Variants in NKAIN3 observed in about 807,000 individuals in gnomAD.
NKAIN3 encodes the protein sodium/potassium transporting ATPase interacting 3, also known as sodium/potassium-transporting ATPase subunit beta-1-interacting protein 3.
Under a neutral mutation model 30.2 loss-of-function variants are expected in NKAIN3, and 25 were observed. The ratio of observed to expected loss-of-function variants is 0.83; its 90% confidence interval spans 0.60 to 1.16. The LOEUF (loss-of-function observed/expected upper bound fraction) is 1.16, where lower values mean the gene tolerates loss of function less well. Among genes scored for constraint, NKAIN3 ranks in the 50% most tolerant of loss-of-function variants. NKAIN3 has a pLI of 0.00. For missense variants in NKAIN3, 225 were observed against 254.1 expected, an observed-to-expected ratio of 0.89 and a Z score of 0.78; for synonymous variants, 91 against 89.6, an observed-to-expected ratio of 1.02 and a Z score of -0.09.
intron 1 of NKAIN3, among the ~76,000 whole-genome samples, chr8:62,528,318 T>TATTA (rs1554543355): frequency 2.2e-5 from 2 of 88,894 alleles, no homozygotes; most frequent in African/African-American, 4.8e-5. Flanking sequence ...TATATATATA[T>TATTA]TATATAATAT....
At chr8:62,700,618 G>T (rs1251455745) in intron 3 of NKAIN3, among the ~76,000 whole-genome samples, 1 of 152,016 alleles carries the variant, frequency 6.6e-6, no homozygotes, top group Non-Finnish European at 1.5e-5. Context: ...CATCACCTTT[G>T]GCAAAGAAAA....
intron 4 of NKAIN3, among the ~76,000 whole-genome samples, chr8:62,882,834 T>C (rs2130815425): frequency 6.6e-6 from 1 of 152,296 alleles, no homozygotes; most frequent in South Asian, 2.1e-4. Context: ...CTACCTTTGC[T>C]CCTTTATCAA....
chr8:62,412,914 AAAAAAAAC>A (rs1459964850), intron 1 of NKAIN3, among the ~76,000 whole-genome samples: 2 of 82,194 alleles, frequency 2.4e-5, no homozygotes, highest in African/African-American at 9.6e-5. Context: ...TCCGTCAAAA[AAAAAAAAC>A]AAAAAAAAAA....
At chr8:62,253,447 C>G (rs1471877833) in intron 1 of NKAIN3, among the ~76,000 whole-genome samples, 2 of 152,034 alleles carry the variant, frequency 1.3e-5, no homozygotes, top group Non-Finnish European at 2.9e-5. Flanking sequence ...AGTTGTGCCT[C>G]TAGCCCCAGC....
chr8:62,497,180 T>G (rs1807268665), intron 1 of NKAIN3, among the ~76,000 whole-genome samples: 1 of 151,720 alleles, frequency 6.6e-6, no homozygotes, highest in Non-Finnish European at 1.5e-5. Context: ...ATTTGATATA[T>G]ATTTTAATTG....
intron 1 of NKAIN3, among the ~76,000 whole-genome samples, chr8:62,259,561 G>A (rs1363298177): frequency 6.6e-6 from 1 of 152,104 alleles, no homozygotes; most frequent in African/African-American, 2.4e-5. Context: ...ACAAGCAAAT[G>A]ACATATAGCA....
intron 1 of NKAIN3, among the ~76,000 whole-genome samples, chr8:62,485,151 A>G (rs987515255): frequency 2.6e-5 from 4 of 151,978 alleles, no homozygotes. Flanking sequence ...TGTATGCTAA[A>G]TTCTGGTGCC....
At chr8:62,625,786 C>T (rs557571257) in intron 3 of NKAIN3, among the ~76,000 whole-genome samples, 1 of 151,964 alleles carries the variant, frequency 6.6e-6, no homozygotes, top group East Asian at 1.9e-4. Flanking sequence ...TTCCTTTTTC[C>T]TTTGTTGGGA....
chr8:62,266,068 T>C (rs368831661), intron 1 of NKAIN3, among the ~76,000 whole-genome samples: 1 of 152,190 alleles, frequency 6.6e-6, no homozygotes, highest in African/African-American at 2.4e-5. Flanking sequence ...CTCTGTTCAC[T>C]CTTCTCTGTC....
chr8:62,479,535 T>G (rs1262496986), intron 1 of NKAIN3, among the ~76,000 whole-genome samples: 1 of 152,156 alleles, frequency 6.6e-6, no homozygotes, highest in Non-Finnish European at 1.5e-5. Context: ...GTTAGCAGCT[T>G]CTTGCCAGAT....
At chr8:62,876,920 C>T (rs188870145) in intron 4 of NKAIN3, among the ~76,000 whole-genome samples, 16 of 151,454 alleles carry the variant, frequency 1.1e-4, no homozygotes, top group Non-Finnish European at 1.9e-4. Context: ...ACATGTATCC[C>T]GTGTTTGTTT....
At chr8:62,298,742 C>T (rs1813930108) in intron 1 of NKAIN3, among the ~76,000 whole-genome samples, 1 of 151,982 alleles carries the variant, frequency 6.6e-6, no homozygotes. Flanking sequence ...TCTGTTCCTC[C>T]AGCTGTAGAT....
At chr8:62,296,897 T>TC (rs1813848521) in intron 1 of NKAIN3, among the ~76,000 whole-genome samples, 1 of 152,158 alleles carries the variant, frequency 6.6e-6, no homozygotes, top group South Asian at 2.1e-4. Context: ...TGCCTATTTT[T>TC]CTACTTCTGG....
intron 1 of NKAIN3, among the ~76,000 whole-genome samples, chr8:62,486,240 G>A (rs936778751): frequency 1.3e-5 from 2 of 152,160 alleles, no homozygotes; most frequent in African/African-American, 4.8e-5. Context: ...AGATAGAGTG[G>A]ACGTTCTAAG....
chr8:62,285,706 C>G (rs1419052034), intron 1 of NKAIN3, among the ~76,000 whole-genome samples: 1 of 152,156 alleles, frequency 6.6e-6, no homozygotes, highest in Non-Finnish European at 1.5e-5. Context: ...GGCCTTCAAA[C>G]TCCACTCTGT....
chr8:62,257,454 C>T (rs1256594367), intron 1 of NKAIN3, among the ~76,000 whole-genome samples: 1 of 152,096 alleles, frequency 6.6e-6, no homozygotes, highest in Non-Finnish European at 1.5e-5. Flanking sequence ...TCCCAAATTC[C>T]CCCTTTAGCT....
rs144447080 is a variant in NKAIN3, at chr8:62,460,919, A to T, written c.55-118620A>T. 5.9e-5 allele frequency among the ~76,000 whole-genome samples: 9 copies of T among 152,316 alleles called. No individual in the cohort carries two copies. In the East Asian group the frequency reaches 1.4e-3, roughly 23 times the overall value. On this transcript the variant is annotated intron_variant, in intron 1 of 6. Transcript: ENST00000623646. Reference sequence around the variant, plus strand: ...AGAATAACCAGAAAACTTTAAAGGAAAATCTTGGGAATGAATTGTCCGTAG... The same window carrying T: ...AGAATAACCAGAAAACTTTAAAGGATAATCTTGGGAATGAATTGTCCGTAG...
intron 4 of NKAIN3, among the ~76,000 whole-genome samples, chr8:62,867,506 G>C (rs1820464162): frequency 6.6e-6 from 1 of 152,152 alleles, no homozygotes. Context: ...GAAAATAGGA[G>C]ATAGGAGGAG....
chr8:62,835,252 T>C (rs1485386855), intron 4 of NKAIN3, among the ~76,000 whole-genome samples: 2 of 152,160 alleles, frequency 1.3e-5, no homozygotes, highest in African/African-American at 4.8e-5. Flanking sequence ...ATTCTGGACA[T>C]TGGCTTTAGC....
Sources: gnomAD v4.1 joint callset for allele counts (sites outside exome capture counted in the v4.1 genomes callset) on GRCh38, gnomAD v4.1.1 for gene constraint, MANE v1.5 for transcripts, NCBI Gene and HGNC (gene_info 2026-07-23, HGNC 2026-07-21) for gene names.